The following PAM variants were observed in gnomAD, a reference collection of about 807,000 sequenced individuals.
PAM encodes the protein peptidyl-glycine alpha-amidating monooxygenase.
Under a neutral mutation model 122.1 loss-of-function variants are expected in PAM, and 72 were observed. The observed-to-expected ratio is 0.59, with a 90% confidence interval of 0.49 to 0.72. The LOEUF (loss-of-function observed/expected upper bound fraction) is 0.72. Among genes scored for constraint, PAM ranks in the 30% least tolerant of loss-of-function variants. PAM has a pLI of 0.00. For missense variants in PAM, 1,106 were observed against 1,183.7 expected, an observed-to-expected ratio of 0.93 and a Z score of 0.96; for synonymous variants, 389 against 404.4, an observed-to-expected ratio of 0.96 and a Z score of 0.46.
chr5:102,780,994 A>G (rs1032475117), intron 1 of PAM, among the ~76,000 whole-genome samples: 1 of 151,800 alleles, frequency 6.6e-6, no homozygotes, highest in Non-Finnish European at 1.5e-5. Flanking sequence ...AGTTGTGATA[A>G]CCAAAAATGA....
Position 102,958,434 on chromosome 5 carries a change from C to T in PAM, c.906-1441C>T, listed in dbSNP as rs374912502. Among the ~76,000 whole-genome samples, 16 of 152,068 alleles carry T rather than the reference C, an allele frequency of 1.1e-4. No homozygotes were observed. The East Asian group carries it at 2.7e-3, about 26-fold the overall frequency. On this transcript the variant is annotated intron_variant, in intron 12 of 25. Transcript: ENST00000438793. ...AGAAGGATAATATGGCGGGAGGCTCCAGTTTATTATTTTTGCAACAGCCAT... is the reference window on the plus strand; with the variant it reads ...AGAAGGATAATATGGCGGGAGGCTCTAGTTTATTATTTTTGCAACAGCCAT...
At chr5:102,865,488 G>A (rs973582674) in intron 1 of PAM, 3 of 152,232 alleles carry the variant, frequency 2.0e-5, no homozygotes, top group African/African-American at 7.2e-5. Flanking sequence ...CATTTTTGGT[G>A]AGAGAAAGGA....
At chr5:102,915,762 A>G (rs1802916987) in intron 5 of PAM, among the ~76,000 whole-genome samples, 2 of 152,160 alleles carry the variant, frequency 1.3e-5, no homozygotes, top group African/African-American at 4.8e-5. Flanking sequence ...AAAATAACAC[A>G]ACACTTAAAT....
chr5:102,992,242 G>A (rs1438592534), intron 16 of PAM, among the ~76,000 whole-genome samples: 3 of 152,100 alleles, frequency 2.0e-5, no homozygotes, highest in African/African-American at 7.2e-5. Flanking sequence ...TCTACAAAGG[G>A]GTGCAGTTGA....
chr5:102,872,742 A>G (rs777078789), intron 3 of PAM, among the ~76,000 whole-genome samples: 2 of 152,240 alleles, frequency 1.3e-5, no homozygotes, highest in African/African-American at 2.4e-5. Context: ...TGCCAATTAA[A>G]TTAGACTTTG....
intron 15 of PAM, among the ~76,000 whole-genome samples, chr5:102,977,699 C>A (rs889429494): frequency 2.0e-5 from 3 of 146,364 alleles, no homozygotes; most frequent in South Asian, 2.1e-4. Context: ...CACACACACA[C>A]AAAATACAGC....
At chr5:102,989,346 AT>A (rs1241370986) in intron 15 of PAM, among the ~76,000 whole-genome samples, 4 of 151,760 alleles carry the variant, frequency 2.6e-5, no homozygotes. Context: ...TCTCGAATAA[AT>A]TTTTTTTCAA....
downstream of PAM, chr5:103,030,683 A>C (rs1210493105): frequency 1.3e-5 from 2 of 152,218 alleles, no homozygotes; most frequent in Non-Finnish European, 2.9e-5. Flanking sequence ...CGAGTCAGAG[A>C]ATGCACTGCC....
At chr5:102,926,785 G>A (rs532394009) in intron 7 of PAM, 117 bp downstream of exon 7, 135 of 593,412 alleles carry the variant, frequency 2.3e-4, no homozygotes, top group Non-Finnish European at 3.8e-4. Flanking sequence ...GCCCACTAGG[G>A]GATAACAGCT....
chr5:102,901,474 T>A (rs1797874649), intron 4 of PAM, 61 bp downstream of exon 4: 2 of 909,830 alleles, frequency 2.2e-6, no homozygotes, highest in Non-Finnish European at 3.7e-6. Context: ...TTGAAATCAG[T>A]GAAAGGTTCT....
In PAM at chr5:102,913,847, T is replaced by G. The variant is rs1802287616; in HGVS notation, c.269-87T>G. Reference sequence around the variant, plus strand: ...TCAAAACATCTTTGTTATACAGGTATTTGAACTGTTCAAAGATGTATTTTA... The same window carrying G: ...TCAAAACATCTTTGTTATACAGGTAGTTGAACTGTTCAAAGATGTATTTTA... On this transcript the variant is annotated intron_variant, in intron 4 of 25. Transcript: ENST00000438793. The G allele has an allele frequency of 1.3e-5, 10 of 767,258 alleles. No homozygotes were observed. The South Asian group carries it at 1.3e-4, about 10-fold the overall frequency. The allele number at this position is 767,258 out of a possible 1,614,324, so 47.5% of individuals were successfully genotyped here.
intron 4 of PAM, among the ~76,000 whole-genome samples, chr5:102,903,312 G>A (rs1183852983): frequency 2.0e-5 from 3 of 151,476 alleles, no homozygotes; most frequent in Non-Finnish European, 4.4e-5. Flanking sequence ...TGTGGTTACT[G>A]TTGTTTACAT....
chr5:102,965,409 G>A (rs1763795084), intron 14 of PAM, among the ~76,000 whole-genome samples: 1 of 151,394 alleles, frequency 6.6e-6, no homozygotes, highest in Admixed American at 6.6e-5. Flanking sequence ...TTACATTTAA[G>A]AGTTCTGAAT....
Position 102,810,836 on chromosome 5 carries a change from GA to G in PAM, c.-373-54977del, listed in dbSNP as rs374679274. 2.4e-3 allele frequency among the ~76,000 whole-genome samples: 349 copies of G among 148,080 alleles called. 1 individual carries two copies. Among genetic ancestry groups the G allele is most frequent in the African/African-American group, 7.8e-3 (315 of 40,476 alleles). On this transcript the variant is annotated intron_variant, in intron 1 of 25. Coordinates refer to ENST00000438793, the MANE Select transcript of PAM (RefSeq NM_001177306.2). The stretch of plus-strand genomic sequence containing the variant: ...AGAGCGAAACTCCATCTCAAAAAAA[GA>G]AAAAAAAAAGTTAAATCAAACCACT...
chr5:102,855,263 T>C (rs1782339597), intron 1 of PAM, among the ~76,000 whole-genome samples: 1 of 152,164 alleles, frequency 6.6e-6, no homozygotes, highest in Non-Finnish European at 1.5e-5. Context: ...TTTCCATATG[T>C]TTTTCAATTC....
intron 1 of PAM, among the ~76,000 whole-genome samples, chr5:102,800,979 G>T (rs903265764): frequency 2.2e-4 from 33 of 152,144 alleles, no homozygotes; most frequent in African/African-American, 7.7e-4. Flanking sequence ...TTTCCACATG[G>T]CTTAGAAAAT....
At chr5:102,777,644 A>G (rs1439102794) in intron 1 of PAM, among the ~76,000 whole-genome samples, 2 of 152,164 alleles carry the variant, frequency 1.3e-5, no homozygotes, top group African/African-American at 4.8e-5. Flanking sequence ...AATTCACGAT[A>G]AGAAAACAGC....
chr5:102,826,298 C>G (rs990057189), intron 1 of PAM, among the ~76,000 whole-genome samples: 1 of 152,106 alleles, frequency 6.6e-6, no homozygotes, highest in Non-Finnish European at 1.5e-5. Flanking sequence ...GACATTTTCT[C>G]CCTAAACAGA....
intron 12 of PAM, among the ~76,000 whole-genome samples, chr5:102,957,592 G>A (rs905266736): frequency 2.6e-5 from 4 of 151,668 alleles, no homozygotes; most frequent in African/African-American, 9.7e-5. Context: ...GCAGTGGCGT[G>A]AGATCTCAGC....
Sources: allele counts gnomAD v4.1 joint callset (sites outside exome capture counted in the v4.1 genomes callset), GRCh38; gene constraint gnomAD v4.1.1; transcripts MANE v1.5; gene names NCBI Gene and HGNC (gene_info 2026-07-23, HGNC 2026-07-21).